The following CCDC171 variants were observed in gnomAD, a reference collection of about 807,000 sequenced individuals.
CCDC171 encodes coiled-coil domain containing 171.
A neutral mutation model predicts 168.2 loss-of-function variants in CCDC171; 177 were observed. The ratio of observed to expected loss-of-function variants is 1.05; its 90% CI spans 0.93 to 1.19. The LOEUF (loss-of-function observed/expected upper bound fraction) is 1.19. CCDC171 is among the 50% of genes most tolerant of loss of function. CCDC171 has a pLI of 0.00. For missense variants in CCDC171, 1,991 were observed against 1,539.0 expected (o/e 1.29, Z -4.91); for synonymous variants, 687 against 540.8 (o/e 1.27, Z -3.75).
At chr9:15,631,556 A>T (rs892676842) in intron 7 of CCDC171, among the ~76,000 whole-genome samples, 1 of 152,198 alleles carries the variant, frequency 6.6e-6, no homozygotes, top group African/African-American at 2.4e-5. Context: ...AAAGTCCAGG[A>T]TCAGTTGGAT....
intron 20 of CCDC171, among the ~76,000 whole-genome samples, chr9:15,780,052 A>C (rs1044651510): frequency 1.3e-5 from 2 of 152,228 alleles, no homozygotes; most frequent in African/African-American, 2.4e-5. Context: ...TGGAATTTAC[A>C]GTTTTAACAT....
chr9:15,761,173 C>T (rs1473127743), intron 18 of CCDC171, among the ~76,000 whole-genome samples: 2 of 152,152 alleles, frequency 1.3e-5, no homozygotes, highest in African/African-American at 2.4e-5. Context: ...TGTGTAATTA[C>T]GTCTTAATTG....
chr9:15,961,522 G>T lies in CCDC171; in HGVS notation c.3754-10087G>T, dbSNP rs9407700. Among the ~76,000 whole-genome samples, 570 of 152,214 alleles carry T rather than the reference G, an allele frequency of 3.7e-3. 4 individuals are homozygous for T. The highest frequency in any genetic ancestry group is 6.5e-3 in the Admixed American group (99 of 15,274). On this transcript the variant is annotated intron_variant, in intron 25 of 25. Transcript: ENST00000380701. ...TTACTCAGTGTCATTATTTGTGTAGGTGTTTACTCAATGTAAAACTGTAAA... is the reference window on the plus strand; with the variant it reads ...TTACTCAGTGTCATTATTTGTGTAGTTGTTTACTCAATGTAAAACTGTAAA...
chr9:16,070,237 C>A, the CCDC171 span, among the ~76,000 whole-genome samples: 2 of 152,176 alleles, frequency 1.3e-5, no homozygotes, highest in Non-Finnish European at 2.9e-5. Context: ...TAAATCCCAG[C>A]CTAACACCCC....
At chr9:15,662,259 A>G (rs2048374177) in intron 8 of CCDC171, among the ~76,000 whole-genome samples, 1 of 152,352 alleles carries the variant, frequency 6.6e-6, no homozygotes, top group Admixed American at 6.5e-5. Context: ...CCTGGGTGAC[A>G]GAGTGAGACT....
In CCDC171 at chr9:15,779,108, A is replaced by C. The variant is rs751355090; in HGVS notation, c.3039A>C (p.Lys1013Asn). The C allele has an allele frequency of 6.3e-7, 1 of 1,596,406 alleles. No individual in the cohort carries two copies. Among genetic ancestry groups the C allele is most frequent in the East Asian group, 2.3e-5 (1 of 44,406 alleles). ...ATGAAATGAAAAAGGAGCTTGACAA[A>C]GCCCAGGGTCTGCAAATGCAATTAA... is the stretch of plus-strand genomic sequence containing the variant. ...SVNEMKKELD[K>N]AQGLQMQLNE... Residue 1013 changes from lysine (K) to asparagine (N), a missense_variant, in exon 20 of 26, where the codon AAA (lysine) becomes AAC (asparagine). By Grantham distance (94) the Lys-to-Asn change is moderately conservative (BLOSUM62 0). Transcript: ENST00000380701.
intron 3 of CCDC171, among the ~76,000 whole-genome samples, chr9:16,012,370 A>G (rs1832892530): frequency 6.6e-6 from 1 of 152,184 alleles, no homozygotes; most frequent in African/African-American, 2.4e-5. Flanking sequence ...TTGAACAAAT[A>G]CACTCATGAG....
At chr9:16,108,755 G>A in the CCDC171 span, among the ~76,000 whole-genome samples, 1 of 152,010 alleles carries the variant, frequency 6.6e-6, no homozygotes, top group Non-Finnish European at 1.5e-5. Context: ...AAAATATTTG[G>A]GAAAAAAATT....
At chr9:15,990,994 G>T (rs544983211) in intron 3 of CCDC171, among the ~76,000 whole-genome samples, 1 of 151,990 alleles carries the variant, frequency 6.6e-6, no homozygotes, top group Non-Finnish European at 1.5e-5. Flanking sequence ...TTAACACCCC[G>T]CTGTCAACAT....
intron 23 of CCDC171, among the ~76,000 whole-genome samples, chr9:15,853,276 A>G (rs1020903596): frequency 6.6e-6 from 1 of 151,634 alleles, no homozygotes; most frequent in African/African-American, 2.4e-5. Context: ...TGTGGTTTTC[A>G]GTGTATAAGT....
At chr9:15,653,809 G>A (rs563195936) in intron 7 of CCDC171, among the ~76,000 whole-genome samples, 1 of 152,026 alleles carries the variant, frequency 6.6e-6, no homozygotes, top group African/African-American at 2.4e-5. Context: ...TAGAGATGCA[G>A]TTTTTCTCTG....
intron 11 of CCDC171, among the ~76,000 whole-genome samples, chr9:15,704,558 A>T (rs998389104): frequency 1.3e-5 from 2 of 152,216 alleles, no homozygotes; most frequent in Admixed American, 1.3e-4. Context: ...TAGGGACAGT[A>T]GCAAAATTGT....
At chr9:16,021,212 C>G (rs992122645) in intron 4 of CCDC171, among the ~76,000 whole-genome samples, 1 of 152,108 alleles carries the variant, frequency 6.6e-6, no homozygotes, top group African/African-American at 2.4e-5. Flanking sequence ...CTCAGCCTCC[C>G]GAGTAGCTGG....
chr9:15,984,094 T>C (rs1481122399), intron 3 of CCDC171, among the ~76,000 whole-genome samples: 2 of 49,106 alleles, frequency 4.1e-5, no homozygotes, highest in Non-Finnish European at 8.9e-5. Flanking sequence ...AGTATTTCTT[T>C]GAAATATAGA....
the CCDC171 span, among the ~76,000 whole-genome samples, chr9:16,108,122 G>A: frequency 6.6e-6 from 1 of 152,190 alleles, no homozygotes; most frequent in Non-Finnish European, 1.5e-5. Flanking sequence ...AAAATTTACA[G>A]ATTTTGGAAA....
At chr9:15,680,213 G>A (rs539726490) in intron 10 of CCDC171, among the ~76,000 whole-genome samples, 1 of 152,284 alleles carries the variant, frequency 6.6e-6, no homozygotes, top group Admixed American at 6.5e-5. Flanking sequence ...ATAAACATTT[G>A]TTCGATGGAT....
intron 25 of CCDC171, among the ~76,000 whole-genome samples, chr9:15,958,495 T>C (rs1320734773): frequency 8.2e-6 from 1 of 121,790 alleles, no homozygotes; most frequent in Admixed American, 9.1e-5. Flanking sequence ...GTATGGGGTG[T>C]TATAATAACA....
chr9:15,620,348 A>G (rs1022961970), intron 6 of CCDC171, among the ~76,000 whole-genome samples: 4 of 152,190 alleles, frequency 2.6e-5, no homozygotes, highest in African/African-American at 7.2e-5. Context: ...TCCAAATGTC[A>G]TCATTAACAG....
At chr9:15,704,026 C>G (rs1308024317) in intron 11 of CCDC171, among the ~76,000 whole-genome samples, 2 of 152,192 alleles carry the variant, frequency 1.3e-5, no homozygotes, top group Admixed American at 6.5e-5. Context: ...AGAGCACATG[C>G]TGTTGGAAAC....
Sources: gnomAD v4.1 joint callset for allele counts (sites outside exome capture counted in the v4.1 genomes callset) on GRCh38, gnomAD v4.1.1 for gene constraint, MANE v1.5 for transcripts, NCBI Gene and HGNC (gene_info 2026-07-23, HGNC 2026-07-21) for gene names.